RNF141: variants seen among roughly 807,000 people sequenced by gnomAD.
RNF141 encodes ring finger protein 141, also known as C3HC4-like zinc finger protein.
A neutral mutation model predicts 27.4 loss-of-function variants in RNF141; 18 were observed. That is an observed-to-expected ratio of 0.66 (90% confidence interval 0.45 to 0.97). RNF141 has a LOEUF of 0.97. RNF141 is among the 50% of genes least tolerant of loss of function. The probability of loss-of-function intolerance (pLI) is 0.00; values close to 1 mark genes in which losing one functional copy is unlikely to be tolerated. For missense variants in RNF141, 230 were observed against 279.4 expected (o/e 0.82, Z 1.26); for synonymous variants, 97 against 96.6 (o/e 1.00, Z -0.02).
intron 4 of RNF141, among the ~76,000 whole-genome samples, chr11:10,522,079 A>T (rs1407933760): frequency 1.3e-5 from 2 of 152,244 alleles, no homozygotes; most frequent in Non-Finnish European, 2.9e-5. Flanking sequence ...AATTAGGTCT[A>T]AGAAGCATTA....
At chr11:10,539,687 C>CATATATATATATATATATATATAT (rs1330301830) in intron 1 of RNF141, among the ~76,000 whole-genome samples, 4 of 50,882 alleles carry the variant, frequency 7.9e-5, no homozygotes, top group African/African-American at 1.4e-4. Context: ...GAAAAAGATA[C>CATATATATATATATATATATATAT]ATACATATAT....
rs1849809704 is a variant in RNF141, at chr11:10,512,518, T to A, written c.*2398A>T. 1 of 152,600 alleles carries A rather than the reference T, an allele frequency of 6.6e-6. No homozygotes were observed. Among genetic ancestry groups the A allele is most frequent in the African/African-American group, 2.4e-5 (1 of 41,456 alleles). The allele number at this position is 152,600 out of a possible 1,614,324, so 9.5% of individuals were successfully genotyped here. On this transcript the variant is annotated 3_prime_UTR_variant, in exon 6 of 6. Transcript: ENST00000265981. The stretch of plus-strand genomic sequence containing the variant: ...GAAGGATTCTGGGGGATAAAATCAT[T>A]GGCTATCCCTGGAAAGATCCAAAAC...
intron 3 of RNF141, among the ~76,000 whole-genome samples, chr11:10,527,942 A>G (rs1234925789): frequency 1.3e-5 from 2 of 152,196 alleles, no homozygotes; most frequent in African/African-American, 4.8e-5. Context: ...GACAAAGAAA[A>G]GCCAAGAATG....
In RNF141 at chr11:10,525,361, T is replaced by C. The variant is rs556333565; in HGVS notation, c.265A>G (p.Ser89Gly). 6.4e-7 allele frequency: 1 copy of C among 1,557,092 alleles called. No homozygotes were observed. Among genetic ancestry groups the C allele is most frequent in the South Asian group, 1.2e-5 (1 of 81,078 alleles). The change falls in exon 4 of 6, where the codon AGT becomes GGT. Residue 89 changes from serine to glycine, a missense_variant. Ser to Gly is a moderately conservative substitution (Grantham distance 56, BLOSUM62 0). Coordinates refer to ENST00000265981, the MANE Select transcript of RNF141 (RefSeq NM_016422.4). Reference sequence around the variant, plus strand: ...ATCCGTGATGCCTCCACAATGCCACTGCTTTTGTTAATCTAAAAATACAAA... The same window carrying C: ...ATCCGTGATGCCTCCACAATGCCACCGCTTTTGTTAATCTAAAAATACAAA... ...RVVCTKINKS[S>G]GIVEASRIMN... is the part of the protein sequence containing the mutation.
Position 10,519,068 on chromosome 11 carries a change from C to G in RNF141, c.508G>C (p.Ala170Pro). Residue 170 changes from alanine (A) to proline (P), a missense_variant, in exon 5 of 6, where the codon GCT becomes CCT. Ala to Pro is a conservative substitution (Grantham distance 27). Transcript: ENST00000265981. ...DGRADLILPC[A>P]HSFCQKCIDK... is the part of the protein sequence containing the mutation. ...ATACACTTCTGACAAAAGCTGTGAG[C>G]ACAAGGCAGGATGAGGTCAGCCCGC... 6.2e-7 allele frequency: 1 copy of G among 1,614,010 alleles called. No individual in the cohort carries two copies. Among genetic ancestry groups the G allele is most frequent in the Non-Finnish European group, 8.5e-7 (1 of 1,179,922 alleles).
chr11:10,526,109 C>T lies in RNF141; in HGVS notation c.253-736G>A, dbSNP rs539890513. 6.6e-5 allele frequency among the ~76,000 whole-genome samples: 10 copies of T among 152,262 alleles called. No individual in the cohort carries two copies. In the South Asian group the frequency reaches 2.1e-3, roughly 32 times the overall value. ...GCCAGTAAGGTGAAGGTATAATGTT[C>T]TTGGATGAAGAACTTGAAATCAGAG... On this transcript the variant is annotated intron_variant, in intron 3 of 5. Coordinates refer to ENST00000265981, the MANE Select transcript of RNF141 (RefSeq NM_016422.4).
At chr11:10,525,084 A>AG in intron 4 of RNF141, 108 bp downstream of exon 4, 1 of 879,896 alleles carries the variant, frequency 1.1e-6, no homozygotes, top group African/African-American at 1.7e-5. Flanking sequence ...CAACTGAGAA[A>AG]AAAAAAAGAT....
Position 10,530,722 on chromosome 11 carries a change from T to C in RNF141, c.173A>G (p.Lys58Arg). 6.2e-7 allele frequency: 1 copy of C among 1,608,374 alleles called. No homozygotes were observed. Among genetic ancestry groups the C allele is most frequent in the Non-Finnish European group, 8.5e-7 (1 of 1,176,704 alleles). ...VTAKVASGQE[K>R]HLLFEVQPGS... Reference sequence around the variant, plus strand: ...AGGTTGTACCTCAAAGAGAAGATGTTTTTCCTGGCCAGAAGCCACTTTAGC... The same window carrying C: ...AGGTTGTACCTCAAAGAGAAGATGTCTTTCCTGGCCAGAAGCCACTTTAGC... Residue 58 changes from lysine to arginine, a missense_variant, in exon 3 of 6, where the codon AAA becomes AGA. Coordinates refer to ENST00000265981, the MANE Select transcript of RNF141 (RefSeq NM_016422.4).
chr11:10,518,967 C>T lies in RNF141; in HGVS notation c.542+67G>A, dbSNP rs866563474. Reference sequence around the variant, plus strand: ...TTAACTACAGTATTTTTGCACTTTTCAAAGTTTATTCATGTACACTATCCC... The same window carrying T: ...TTAACTACAGTATTTTTGCACTTTTTAAAGTTTATTCATGTACACTATCCC... On this transcript the variant is annotated intron_variant, in intron 5 of 5. Transcript: ENST00000265981. 30 of 1,252,138 alleles carry T rather than the reference C, an allele frequency of 2.4e-5. No homozygotes were observed. In the Middle Eastern group the frequency reaches 2.1e-3, roughly 87 times the overall value. 77.6% of individuals were successfully genotyped at this position (1,252,138 alleles called of 1,614,324 possible). A position where few individuals can be genotyped will look rare whatever the true frequency, so the allele number is the denominator to read the frequency against.
Position 10,514,971 on chromosome 11 carries a change from A to G in RNF141, c.638T>C (p.Met213Thr), listed in dbSNP as rs762195869. 3.1e-6 allele frequency: 5 copies of G among 1,614,106 alleles called. No homozygotes were observed. The highest frequency in any genetic ancestry group is 3.4e-6 in the Non-Finnish European group (4 of 1,179,986). The change falls in exon 6 of 6, where the codon ATG becomes ACG. Residue 213 changes from methionine (M) to threonine (T), a missense_variant. Coordinates refer to ENST00000265981, the MANE Select transcript of RNF141 (RefSeq NM_016422.4). The part of the protein sequence containing the change: ...VVSDAPTEDD[M>T]ANYILNMADE... ...AGCCATGTTAAGAATATAGTTAGCC[A>G]TATCATCTTCAGTGGGTGCATCTGA... is the stretch of plus-strand genomic sequence containing the variant.
At chr11:10,538,064 G>A (rs1038978892) in intron 1 of RNF141, among the ~76,000 whole-genome samples, 1 of 152,206 alleles carries the variant, frequency 6.6e-6, no homozygotes, top group Non-Finnish European at 1.5e-5. Flanking sequence ...TTCAAAAGAA[G>A]AGTTAGTTGC....
chr11:10,521,801 G>T (rs1179714248), intron 4 of RNF141, among the ~76,000 whole-genome samples: 2 of 152,234 alleles, frequency 1.3e-5, no homozygotes, highest in Non-Finnish European at 2.9e-5. Flanking sequence ...CTGTGTATAT[G>T]TAACCAGGAA....
rs1040221626 is a variant in RNF141, at chr11:10,513,823, C to G, written c.*1093G>C. The G allele has an allele frequency of 6.6e-6, 1 of 152,034 alleles. No individual in the cohort carries two copies. The highest frequency in any genetic ancestry group is 2.4e-5 in the African/African-American group (1 of 41,370). The allele number at this position is 152,034 out of a possible 1,614,324, so 9.4% of individuals were successfully genotyped here. On this transcript the variant is annotated 3_prime_UTR_variant, in exon 6 of 6. Coordinates refer to ENST00000265981, the MANE Select transcript of RNF141 (RefSeq NM_016422.4). ...TCCCGAGTAGCTGAGATTACAGGCACCTGCCACCATGCCCAGCTAATTTTT... is the reference window on the plus strand; with the variant it reads ...TCCCGAGTAGCTGAGATTACAGGCAGCTGCCACCATGCCCAGCTAATTTTT...
intron 5 of RNF141, chr11:10,516,430 C>T (rs556849590): frequency 2.6e-5 from 4 of 152,256 alleles, no homozygotes; most frequent in Admixed American, 2.6e-4. Context: ...GTTTCTAGCC[C>T]CTGATCAAGA....
At chr11:10,516,773 G>C (rs2133964797) in intron 5 of RNF141, 1 of 152,294 alleles carries the variant, frequency 6.6e-6, no homozygotes, top group South Asian at 2.1e-4. Context: ...GTTCTCTAAA[G>C]GGTCTTGCTA....
In RNF141 at chr11:10,519,086, C is replaced by T; in HGVS notation, c.490G>A (p.Asp164Asn). 1 of 1,614,058 alleles carries T rather than the reference C, an allele frequency of 6.2e-7. No homozygotes were observed. Among genetic ancestry groups the T allele is most frequent in the Non-Finnish European group, 8.5e-7 (1 of 1,179,954 alleles). ...ECCICMDGRA[D>N]LILPCAHSFC... ...CTGTGAGCACAAGGCAGGATGAGGT[C>T]AGCCCGCCCATCCATACAGATACAA... The change falls in exon 5 of 6, where the codon GAC becomes AAC. Residue 164 changes from aspartate (D) to asparagine (N), a missense_variant. Physicochemically the swap from Asp to Asn is conservative, Grantham distance 23. Transcript: ENST00000265981.
At chr11:10,530,813 C>A in intron 2 of RNF141, 62 bp from the exon 3 acceptor site, 1 of 895,456 alleles carries the variant, frequency 1.1e-6, no homozygotes, top group Non-Finnish European at 1.7e-6. Context: ...AATAATACAG[C>A]CATGAAACTA....
chr11:10,524,565 TATG>T (rs1327167000), intron 4 of RNF141, among the ~76,000 whole-genome samples: 2 of 152,210 alleles, frequency 1.3e-5, no homozygotes, highest in Non-Finnish European at 2.9e-5. Context: ...AAATTTAAAT[TATG>T]ATCATGATTG....
intron 4 of RNF141, among the ~76,000 whole-genome samples, chr11:10,522,005 T>G (rs1849891730): frequency 6.6e-6 from 1 of 152,184 alleles, no homozygotes. Flanking sequence ...GAGTGCAGTA[T>G]GAGGGACAGT....
Sources: allele counts gnomAD v4.1 joint callset (sites outside exome capture counted in the v4.1 genomes callset), GRCh38; gene constraint gnomAD v4.1.1; transcripts MANE v1.5; gene names NCBI Gene and HGNC (gene_info 2026-07-23, HGNC 2026-07-21).